The following FAM117A variants were observed in gnomAD, a reference collection of about 807,000 sequenced individuals.
The protein encoded by FAM117A is protein FAM117A.
In FAM117A, 21 loss-of-function variants were observed where a neutral mutation model predicts 44.1. The ratio of observed to expected loss-of-function variants is 0.48; its 90% CI spans 0.34 to 0.69. The LOEUF (loss-of-function observed/expected upper bound fraction) is 0.69, where lower values mean the gene tolerates loss of function less well. FAM117A is among the 30% of genes least tolerant of loss of function. The pLI is 0.01. For synonymous variants in FAM117A, 220 were observed against 238.3 expected (o/e 0.92, Z 0.71); for missense variants, 498 against 589.9 (o/e 0.84, Z 1.61).
intron 2 of FAM117A, among the ~76,000 whole-genome samples, chr17:49,727,143 G>A (rs1282333729): frequency 3.3e-5 from 5 of 152,226 alleles, no homozygotes; most frequent in South Asian, 4.1e-4. Context: ...ACTCATGCCT[G>A]TAATCCCAGC....
intron 1 of FAM117A, among the ~76,000 whole-genome samples, chr17:49,785,601 C>T (rs570948116): frequency 4.4e-4 from 67 of 152,218 alleles, no homozygotes; most frequent in Non-Finnish European, 7.5e-4. Flanking sequence ...GATCTGACAT[C>T]AAAGCCCTGT....
Position 49,730,234 on chromosome 17 carries a change from G to A in FAM117A, c.366+2317C>T, listed in dbSNP as rs986913679. Among the ~76,000 whole-genome samples, 46 of 152,232 alleles carry A rather than the reference G, an allele frequency of 3.0e-4. 2 individuals carry two copies. Among genetic ancestry groups the A allele is most frequent in the Non-Finnish European group, 1.5e-5 (1 of 68,052 alleles). On this transcript the variant is annotated intron_variant, in intron 2 of 7. Transcript: ENST00000240364. Reference sequence around the variant, plus strand: ...ACAGGTTGCTAAGAGTTCCTCGAGGGCTGGAGCCCATCCCAGGGAAAGAGG... The same window carrying A: ...ACAGGTTGCTAAGAGTTCCTCGAGGACTGGAGCCCATCCCAGGGAAAGAGG...
intron 1 of FAM117A, among the ~76,000 whole-genome samples, chr17:49,770,580 T>C (rs2073758176): frequency 6.6e-6 from 1 of 152,162 alleles, no homozygotes; most frequent in Admixed American, 6.5e-5. Flanking sequence ...AATGTTGTGA[T>C]GGTTGCACAA....
chr17:49,788,802 C>A (rs374568788), upstream of FAM117A: 4 of 1,577,132 alleles, frequency 2.5e-6, no homozygotes, highest in Non-Finnish European at 3.4e-6. Context: ...CGCCGCTGCC[C>A]GAATCGGAAC....
intron 2 of FAM117A, among the ~76,000 whole-genome samples, chr17:49,727,696 G>A (rs1387620776): frequency 2.0e-5 from 3 of 152,068 alleles, no homozygotes; most frequent in Admixed American, 6.5e-5. Context: ...GAGGAGGAGG[G>A]GCGGGATGAA....
At chr17:49,747,296 T>C (rs2073657922) in intron 1 of FAM117A, 1 of 152,050 alleles carries the variant, frequency 6.6e-6, no homozygotes, top group Non-Finnish European at 1.5e-5. Flanking sequence ...CAAGCAGAAG[T>C]CTGGTCACAT....
chr17:49,730,578 T>G (rs1019719407), intron 2 of FAM117A, among the ~76,000 whole-genome samples: 1 of 152,136 alleles, frequency 6.6e-6, no homozygotes, highest in Non-Finnish European at 1.5e-5. Flanking sequence ...GATGCAATAA[T>G]GAGCTTACAC....
At chr17:49,731,003 A>G (rs906435438) in intron 2 of FAM117A, among the ~76,000 whole-genome samples, 1 of 152,252 alleles carries the variant, frequency 6.6e-6, no homozygotes, top group Non-Finnish European at 1.5e-5. Context: ...CATGGAGGCC[A>G]AATCTTGTCC....
chr17:49,763,753 T>A, intron 1 of FAM117A, 139 bp downstream of exon 1: 1 of 442,552 alleles, frequency 2.3e-6, no homozygotes, highest in Non-Finnish European at 3.6e-6. Context: ...TCCGCCCTCA[T>A]AGACTCTGAA....
chr17:49,755,453 T>G (rs995604333), intron 1 of FAM117A, among the ~76,000 whole-genome samples: 2 of 152,242 alleles, frequency 1.3e-5, no homozygotes, highest in Non-Finnish European at 1.5e-5. Context: ...CTCCTTGGCC[T>G]CTCACCATAT....
chr17:49,743,630 G>A (rs1011681859), intron 1 of FAM117A, among the ~76,000 whole-genome samples: 3 of 152,142 alleles, frequency 2.0e-5, no homozygotes, highest in African/African-American at 7.2e-5. Flanking sequence ...TTGGGAGGCT[G>A]AGGCAGGAGA....
intron 1 of FAM117A, among the ~76,000 whole-genome samples, chr17:49,740,121 G>A (rs1237045702): frequency 1.3e-5 from 2 of 152,192 alleles, no homozygotes; most frequent in African/African-American, 2.4e-5. Flanking sequence ...GAGGGCCAGC[G>A]GTCAAGTATC....
intron 5 of FAM117A, chr17:49,717,948 A>G (rs77072109): frequency 0.016 from 6,573 of 402,396 alleles, 224 homozygotes; most frequent in East Asian, 0.13. Flanking sequence ...TCACAGTCCA[A>G]TGTATAATTA....
At chr17:49,742,624 T>C (rs991693561) in intron 1 of FAM117A, among the ~76,000 whole-genome samples, 3 of 152,032 alleles carry the variant, frequency 2.0e-5, no homozygotes, top group Non-Finnish European at 4.4e-5. Flanking sequence ...TTTGCAAGAA[T>C]AGCATAAATA....
In FAM117A at chr17:49,717,784, A is replaced by T. The variant is rs2073512292; in HGVS notation, c.709-70T>A. On this transcript the variant is annotated intron_variant, in intron 5 of 7. Coordinates refer to ENST00000240364, the MANE Select transcript of FAM117A (RefSeq NM_030802.4). Reference sequence around the variant, plus strand: ...GGCCTGCAGCAGCACAGTGACCCCAAGGGTATTTCCCTTGCTGCTGTCATT... The same window carrying T: ...GGCCTGCAGCAGCACAGTGACCCCATGGGTATTTCCCTTGCTGCTGTCATT... 2.3e-6 allele frequency: 3 copies of T among 1,300,234 alleles called. No individual in the cohort carries two copies. In the South Asian group the frequency reaches 4.3e-5, roughly 19 times the overall value. 80.5% of individuals were successfully genotyped at this position (1,300,234 alleles called of 1,614,324 possible). A position where few individuals can be genotyped will look rare whatever the true frequency, so the allele number is the denominator to read the frequency against.
chr17:49,752,897 T>C (rs2073683056), intron 1 of FAM117A, among the ~76,000 whole-genome samples: 1 of 151,282 alleles, frequency 6.6e-6, no homozygotes, highest in African/African-American at 2.4e-5. Context: ...AGAGTCTCAC[T>C]ATGTCACCCA....
At chr17:49,736,334 G>A (rs1236102834) in intron 1 of FAM117A, among the ~76,000 whole-genome samples, 1 of 150,938 alleles carries the variant, frequency 6.6e-6, no homozygotes, top group Non-Finnish European at 1.5e-5. Context: ...TCGGCTTACT[G>A]CAAGCTCCGC....
chr17:49,763,123 T>TACACACACACACAC (rs10603200), intron 1 of FAM117A, among the ~76,000 whole-genome samples: 3 of 141,172 alleles, frequency 2.1e-5, no homozygotes, highest in Admixed American at 1.4e-4. Flanking sequence ...TCCCCCCCGC[T>TACACACACACACAC]ACACACACAC....
upstream of FAM117A, chr17:49,789,020 T>A: frequency 1.9e-6 from 1 of 520,288 alleles, no homozygotes; most frequent in Non-Finnish European, 3.3e-6. Flanking sequence ...GGCCCGACCC[T>A]GGCCTCGGCC....
Sources: gnomAD v4.1 joint callset for allele counts (sites outside exome capture counted in the v4.1 genomes callset) on GRCh38, gnomAD v4.1.1 for gene constraint, MANE v1.5 for transcripts, NCBI Gene and HGNC (gene_info 2026-07-23, HGNC 2026-07-21) for gene names.